Variants in FBXL19 observed in about 807,000 individuals in gnomAD.
FBXL19 encodes the protein F-box/LRR-repeat protein 19.
A neutral mutation model predicts 71.2 loss-of-function variants in FBXL19; 16 were observed. The observed-to-expected ratio is 0.22, with a 90% CI of 0.15 to 0.34. FBXL19 has a LOEUF of 0.34. Ranked by LOEUF, FBXL19 falls within the 10% of genes least tolerant of loss-of-function variation. The pLI is 1.00. For missense variants in FBXL19, 658 were observed against 968.2 expected, an observed-to-expected ratio of 0.68 and a Z score of 4.25; for synonymous variants, 447 against 409.4, an observed-to-expected ratio of 1.09 and a Z score of -1.11.
At position 30,928,648 on chromosome 16, in the gene FBXL19, C is replaced by T. The variant is rs770923391; in HGVS notation, c.789+20C>T. On this transcript the variant is annotated intron_variant, in intron 6 of 10. Coordinates refer to ENST00000338343, the MANE Select transcript of FBXL19 (RefSeq NM_001382779.1). ...TGGGAGGTGTGCCGGGGACCTCCTC[C>T]CTCCCCTTCCCACCTTCCCTTGCCC... The T allele has an allele frequency of 2.6e-6, 4 of 1,512,232 alleles. No individual in the cohort carries two copies. The highest frequency in any genetic ancestry group is 3.5e-6 in the Non-Finnish European group (4 of 1,129,314). 93.7% of individuals were successfully genotyped at this position (1,512,232 alleles called of 1,614,324 possible). A position where few individuals can be genotyped will look rare whatever the true frequency, so the allele number is the denominator to read the frequency against.
rs181482572 is a variant in FBXL19 at position 30,933,740 on chromosome 16, T to C, written c.1301+3156T>C. Among the ~76,000 whole-genome samples the C allele has an allele frequency of 8.3e-3, 1,250 of 151,400 alleles. 12 individuals carry two copies. Among genetic ancestry groups the C allele is most frequent in the African/African-American group, 0.029 (1,191 of 41,218 alleles). On this transcript the variant is annotated intron_variant, in intron 7 of 10. Transcript: ENST00000338343. The stretch of plus-strand genomic sequence containing the variant: ...TGTTGGGATTACAGGTGTGAGCCAC[T>C]GCGCCCGGCCAAGAACTTTTTTTTT...
chr16:30,927,294 C>T lies in FBXL19; in HGVS notation c.178-14C>T, dbSNP rs1194500406. On this transcript the variant is annotated splice_polypyrimidine_tract_variant and intron_variant, in intron 2 of 10. Transcript: ENST00000338343. ...TAGCTTTCGGGGCCCCTGATGTCCC[C>T]TCTCCCCCAACAGCCCGTGCTCCCA... 6.5e-7 allele frequency: 1 copy of T among 1,543,850 alleles called. No individual in the cohort carries two copies. Among genetic ancestry groups the T allele is most frequent in the African/African-American group, 1.4e-5 (1 of 72,598 alleles).
At position 30,930,041 on chromosome 16, in the gene FBXL19, C is replaced by A; in HGVS notation, c.790-32C>A. 2 of 1,595,130 alleles carry A rather than the reference C, an allele frequency of 1.3e-6. No homozygotes were observed. The highest frequency in any genetic ancestry group is 2.3e-5 in the South Asian group (2 of 88,708). On this transcript the variant is annotated intron_variant, in intron 6 of 10. Transcript: ENST00000338343. The surrounding 1 kb of genome is among the most constrained non-coding windows in gnomAD (Gnocchi z 8.5). ...GGGGGTGGGAAAATGTATCCCAGGC[C>A]CTAGAACAGCATCAACCCTGTCTCC... is the stretch of plus-strand genomic sequence containing the variant.
chr16:30,934,382 G>C (rs1012281497), intron 7 of FBXL19, among the ~76,000 whole-genome samples: 2 of 151,608 alleles, frequency 1.3e-5, no homozygotes, highest in African/African-American at 4.8e-5. Flanking sequence ...AAATGGCCGG[G>C]CACGGTGGCT....
intron 1 of FBXL19, chr16:30,924,701 C>T: frequency 6.7e-7 from 1 of 1,487,600 alleles, no homozygotes; most frequent in Non-Finnish European, 8.9e-7. Flanking sequence ...GGCCCCTCCC[C>T]TGGAGCGCTG....
At position 30,947,238 on chromosome 16, in the gene FBXL19, C is replaced by A; in HGVS notation, c.*8C>A. The A allele has an allele frequency of 6.4e-7, 1 of 1,557,860 alleles. No homozygotes were observed. ...CTTCTCAAGGACAGCTAGTTGGGCG[C>A]CCCCCACCCTCCCCCGGACTCGACA... On this transcript the variant is annotated 3_prime_UTR_variant, in exon 11 of 11. Transcript: ENST00000338343.
intron 7 of FBXL19, among the ~76,000 whole-genome samples, chr16:30,940,124 GGC>G (rs1011887625): frequency 6.6e-6 from 1 of 152,106 alleles, no homozygotes; most frequent in Admixed American, 6.5e-5. Flanking sequence ...CGGGCGTGGT[GGC>G]GCATGCCTGT....
intron 7 of FBXL19, 150 bp from the exon 8 acceptor site, chr16:30,941,966 C>A: frequency 1.2e-6 from 1 of 801,018 alleles, no homozygotes; most frequent in Non-Finnish European, 1.8e-6. Context: ...AATCCCAGTG[C>A]TCTTGGCTGA....
At position 30,930,114 on chromosome 16, in the gene FBXL19, G is replaced by GCCGTCC. The variant is rs1487419352; in HGVS notation, c.841_846dup (p.Ser281_Pro282dup). 5 of 1,613,424 alleles carry GCCGTCC rather than the reference G, an allele frequency of 3.1e-6. No individual in the cohort carries two copies. The highest frequency in any genetic ancestry group is 1.3e-5 in the African/African-American group (1 of 74,948). ...TGGCCTCTGCAGAGGGCCCAGCGGTGCCGTCCCCGTCCCCGCAGAGGGAGA... is the reference window on the plus strand; with the variant it reads ...TGGCCTCTGCAGAGGGCCCAGCGGTGCCGTCCCCGTCCCCGTCCCCGCAGAGGGAGA... On this transcript the variant is annotated inframe_insertion, in exon 7 of 11. Coordinates refer to ENST00000338343, the MANE Select transcript of FBXL19 (RefSeq NM_001382779.1). This position sits in a 1 kb window ranked among gnomAD's most constrained non-coding sequence, Gnocchi z 8.5.
Position 30,942,854 on chromosome 16 carries a change from C to T in FBXL19, c.1627+318C>T, listed in dbSNP as rs1051668964. Among the ~76,000 whole-genome samples the T allele has an allele frequency of 6.6e-6, 1 of 152,234 alleles. No homozygotes were observed. The highest frequency in any genetic ancestry group is 1.5e-5 in the Non-Finnish European group (1 of 68,048). On this transcript the variant is annotated intron_variant, in intron 9 of 10. Transcript: ENST00000338343. This position sits in a 1 kb window ranked among gnomAD's most constrained non-coding sequence, Gnocchi z 5.7. Reference sequence around the variant, plus strand: ...CTCTCTTCATCTACTTAAATCTCATCATCCTTTAGGCCTGGGTATAAATGC... The same window carrying T: ...CTCTCTTCATCTACTTAAATCTCATTATCCTTTAGGCCTGGGTATAAATGC...
chr16:30,928,145 G>T (rs548906215), intron 5 of FBXL19, among the ~76,000 whole-genome samples, 182 bp downstream of exon 5: 6 of 151,976 alleles, frequency 3.9e-5, no homozygotes, highest in Non-Finnish European at 5.9e-5. Context: ...GTGGAGGAGG[G>T]GGGGGACAGG....
chr16:30,924,672 C>T lies in FBXL19; in HGVS notation c.-25+213C>T, dbSNP rs1392887998. 3 of 1,445,444 alleles carry T rather than the reference C, an allele frequency of 2.1e-6. No homozygotes were observed. The African/African-American group carries it at 4.5e-5, about 22-fold the overall frequency. 89.5% of individuals were successfully genotyped at this position (1,445,444 alleles called of 1,614,324 possible). ...TCCCCTTGAAAGCCCCCACCCCCGCCTGCAGTCGCCGCCCTCCAGGCCCCT... is the reference window on the plus strand; with the variant it reads ...TCCCCTTGAAAGCCCCCACCCCCGCTTGCAGTCGCCGCCCTCCAGGCCCCT... On this transcript the variant is annotated intron_variant, in intron 1 of 10. Coordinates refer to ENST00000338343, the MANE Select transcript of FBXL19 (RefSeq NM_001382779.1).
chr16:30,923,290 G>C (rs756760551), upstream of FBXL19: 21 of 440,674 alleles, frequency 4.8e-5, no homozygotes, highest in South Asian at 3.3e-4. Flanking sequence ...GAGCCTCGGG[G>C]CAACGGGACT....
rs1420751003 is a variant in FBXL19 at position 30,947,897 on chromosome 16, G to A, written c.*667G>A. ...TGACTCCTTGAACGTCACTGAAAAC[G>A]GCAGCTATTGCAAGGAGTGGGGGCC... On this transcript the variant is annotated 3_prime_UTR_variant, in exon 11 of 11. Coordinates refer to ENST00000338343, the MANE Select transcript of FBXL19 (RefSeq NM_001382779.1). The A allele has an allele frequency of 2.2e-6, 1 of 455,022 alleles. No homozygotes were observed. The highest frequency in any genetic ancestry group is 1.6e-5 in the South Asian group (1 of 64,466). 28.2% of individuals were successfully genotyped at this position (455,022 alleles called of 1,614,324 possible).
In FBXL19 at chr16:30,930,938, T is replaced by A. The variant is rs1269653098; in HGVS notation, c.1301+354T>A. Among the ~76,000 whole-genome samples the A allele has an allele frequency of 2.0e-5, 3 of 152,152 alleles. No homozygotes were observed. The highest frequency in any genetic ancestry group is 2.0e-4 in the Admixed American group (3 of 15,270). On this transcript the variant is annotated intron_variant, in intron 7 of 10. Transcript: ENST00000338343. This position sits in a 1 kb window ranked among gnomAD's most constrained non-coding sequence, Gnocchi z 8.5. ...AATAGTAGCGACTATATTGAGTGTC[T>A]AGTGTGTGTCAGCCATAGCACTGAG...
intron 5 of FBXL19, among the ~76,000 whole-genome samples, chr16:30,928,189 G>T (rs1447465478): frequency 2.0e-5 from 3 of 151,994 alleles, no homozygotes; most frequent in Non-Finnish European, 4.4e-5. Flanking sequence ...AGCTTTGGGA[G>T]CCCTGGGTGG....
intron 7 of FBXL19, among the ~76,000 whole-genome samples, chr16:30,932,839 C>CTTTT (rs1188274971): frequency 3.8e-5 from 5 of 130,468 alleles, no homozygotes; most frequent in African/African-American, 5.9e-5. Flanking sequence ...GCAATGATAA[C>CTTTT]TTTTTTTTTT....
chr16:30,932,869 C>G (rs1435608091), intron 7 of FBXL19, among the ~76,000 whole-genome samples: 1 of 146,854 alleles, frequency 6.8e-6, no homozygotes, highest in African/African-American at 2.5e-5. Context: ...TTGACAGAGC[C>G]TTGCTCTGTC....
In FBXL19 at chr16:30,930,303, C is replaced by G; in HGVS notation, c.1020C>G (p.Ser340Arg). The G allele has an allele frequency of 6.2e-7, 1 of 1,610,306 alleles. No homozygotes were observed. Among genetic ancestry groups the G allele is most frequent in the Non-Finnish European group, 8.5e-7 (1 of 1,178,258 alleles). ...ATGGGCGACGGCCAGCCCGGGGCAG[C>G]TCTGGCGAGAAGGAGAACCGTGGGG... is the stretch of plus-strand genomic sequence containing the variant. ...ARNGRRPARG[S>R]SGEKENRGGR... Residue 340 changes from serine (S) to arginine (R), a missense_variant, in exon 7 of 11, where the codon AGC becomes AGG. This residue lies in a region of FBXL19 where 447 missense variants were observed against 515.4 expected (regional missense o/e 0.87). Transcript: ENST00000338343. The surrounding 1 kb of genome is among the most constrained non-coding windows in gnomAD (Gnocchi z 8.5).
Sources: allele counts gnomAD v4.1 joint callset (sites outside exome capture counted in the v4.1 genomes callset), GRCh38; gene constraint gnomAD v4.1.1; regional missense constraint gnomAD v4.1.1; non-coding constraint Gnocchi (gnomAD v3.1); transcripts MANE v1.5; gene names NCBI Gene and HGNC (gene_info 2026-07-23, HGNC 2026-07-21).